The following KIF17 variants were observed in gnomAD, a reference collection of about 807,000 sequenced individuals.
The protein encoded by KIF17 is kinesin family member 17, also known as kinesin-like protein KIF17.
In KIF17, 80 loss-of-function variants were observed where a neutral mutation model predicts 96.8. The observed-to-expected ratio is 0.83, with a 90% CI of 0.69 to 1.00. The LOEUF (loss-of-function observed/expected upper bound fraction) is 1.00. KIF17 is among the 50% of genes least tolerant of loss of function. KIF17 has a pLI of 0.00. For synonymous variants in KIF17, 567 were observed against 587.5 expected, an observed-to-expected ratio of 0.97 and a Z score of 0.51; for missense variants, 1,280 against 1,372.9, an observed-to-expected ratio of 0.93 and a Z score of 1.07.
In KIF17 at chr1:20,709,021, C is replaced by T. The variant is rs1302895802; in HGVS notation, c.670+618G>A. Among the ~76,000 whole-genome samples, 2 of 152,174 alleles carry T rather than the reference C, an allele frequency of 1.3e-5. No individual in the cohort carries two copies. The highest frequency in any genetic ancestry group is 4.8e-5 in the African/African-American group (2 of 41,432). ...CTAGTTGTGTGGCCTCAATTTCTTC[C>T]TCTGTAAAATGGGGATGATTCAGTA... On this transcript the variant is annotated intron_variant, in intron 4 of 14. Transcript: ENST00000400463. The surrounding 1 kb of genome is among the most constrained non-coding windows in gnomAD (Gnocchi z 4.7).
chr1:20,690,083 C>A, intron 7 of KIF17, 105 bp downstream of exon 7: 3 of 1,265,086 alleles, frequency 2.4e-6, no homozygotes, highest in South Asian at 2.5e-5. Context: ...ATAAAACAGA[C>A]CTGATCCTCG....
rs146714930 is a variant in KIF17 at position 20,715,498 on chromosome 1, C to T, written c.373G>A (p.Val125Ile). Residue 125 changes from valine (V) to isoleucine (I), a missense_variant, in exon 2 of 15, where the codon GTC (valine) becomes ATC (isoleucine). Transcript: ENST00000400463. ...TCCCTCTGCGAGGCCCGTACCTGGA[C>T]GCTCTCGAACACGTGCTCGAAGGCC... ...PRAFEHVFES[V>I]QCAENTKFLV... 72 of 1,612,708 alleles carry T rather than the reference C, an allele frequency of 4.5e-5. 2 individuals carry two copies. The African/African-American group carries it at 8.1e-4, about 18-fold the overall frequency.
At chr1:20,675,402 C>A (rs1232925870) in intron 11 of KIF17, among the ~76,000 whole-genome samples, 4 of 150,326 alleles carry the variant, frequency 2.7e-5, no homozygotes, top group Non-Finnish European at 5.9e-5. Context: ...GAGCTGAGAT[C>A]ACGCCATTGC....
Position 20,672,892 on chromosome 1 carries a change from C to T in KIF17, c.2464-696G>A, listed in dbSNP as rs2053672295. ...GCCCCAAGACTACCTGGTGCACAGT[C>T]TGTTTCCTCAAAGAGCAGGTACAGT... On this transcript the variant is annotated intron_variant, in intron 11 of 14. Coordinates refer to ENST00000400463, the MANE Select transcript of KIF17 (RefSeq NM_001122819.3). The surrounding 1 kb of genome is among the most constrained non-coding windows in gnomAD (Gnocchi z 4.3). The T allele has an allele frequency of 6.3e-6, 1 of 159,100 alleles. No individual in the cohort carries two copies. Among genetic ancestry groups the T allele is most frequent in the Non-Finnish European group, 1.4e-5 (1 of 71,552 alleles). 9.9% of individuals were successfully genotyped at this position (159,100 alleles called of 1,614,324 possible).
intron 3 of KIF17, among the ~76,000 whole-genome samples, chr1:20,713,019 G>A (rs189241798): frequency 0.012 from 1,657 of 140,844 alleles, 14 homozygotes; most frequent in Non-Finnish European, 0.018. Context: ...ATTTTGAGAC[G>A]GAGTCTCACT....
rs180892844 is a variant in KIF17 at position 20,689,581 on chromosome 1, G to A, written c.1381+607C>T. 2.1e-3 allele frequency among the ~76,000 whole-genome samples: 318 copies of A among 152,248 alleles called. 1 individual carries two copies. Among genetic ancestry groups the A allele is most frequent in the Admixed American group, 6.3e-3 (96 of 15,292 alleles). Reference sequence around the variant, plus strand: ...CACGAGAATTGCTTAAATCCGGGATGGGGAGGTTGCAGTAAGCCAAGGTCA... The same window carrying A: ...CACGAGAATTGCTTAAATCCGGGATAGGGAGGTTGCAGTAAGCCAAGGTCA... On this transcript the variant is annotated intron_variant, in intron 7 of 14. Coordinates refer to ENST00000400463, the MANE Select transcript of KIF17 (RefSeq NM_001122819.3).
rs757763220 is a variant in KIF17 at position 20,687,579 on chromosome 1, G to A, written c.1747C>T (p.Gln583Ter). The stretch of plus-strand genomic sequence containing the variant: ...CCCAGCAGGTGCCCAGCGGCCTCCT[G>A]CCCGAGGCACTCATCCAGGAAGTAT... ...SRYFLDECLG[Q>*]EAAGHLLGEQ... The change falls in exon 8 of 15, where the codon CAG becomes TAG. Residue 583 changes from glutamine to a stop codon, truncating the protein, a stop_gained. Transcript: ENST00000400463. LOFTEE classifies it high-confidence loss of function. This position sits in a 1 kb window ranked among gnomAD's most constrained non-coding sequence, Gnocchi z 4.4. 1.9e-6 allele frequency: 3 copies of A among 1,613,892 alleles called. No homozygotes were observed. The highest frequency in any genetic ancestry group is 1.7e-5 in the Admixed American group (1 of 60,000).
rs1363587083 is a variant in KIF17, at chr1:20,684,963, C to T, written c.2077G>A (p.Val693Met). 12 of 1,605,412 alleles carry T rather than the reference C, an allele frequency of 7.5e-6. No individual in the cohort carries two copies. Among genetic ancestry groups the T allele is most frequent in the Admixed American group, 1.7e-5 (1 of 58,814 alleles). Residue 693 changes from valine (V) to methionine (M), a missense_variant, in exon 10 of 15, where the codon GTG (valine) becomes ATG (methionine). Transcript: ENST00000400463. ...LEVVRTAEPG[V>M]WLEAQAPVAL... The stretch of plus-strand genomic sequence containing the variant: ...ACCGGGGCCTGAGCCTCCAACCACA[C>T]GCCAGGCTCTGCTGTCCGCACCACC...
intron 11 of KIF17, among the ~76,000 whole-genome samples, chr1:20,674,946 T>A (rs1226943075): frequency 6.6e-6 from 1 of 150,382 alleles, no homozygotes; most frequent in Non-Finnish European, 1.5e-5. Flanking sequence ...GGTCAGGAGT[T>A]CGAGACCAGC....
chr1:20,686,445 G>C (rs1172032793), intron 8 of KIF17: 18 of 480,150 alleles, frequency 3.7e-5, no homozygotes, highest in Non-Finnish European at 4.6e-5. Context: ...CCAAGGAAGT[G>C]GTAGACCTGG....
Position 20,690,348 on chromosome 1 carries a change from G to GCGCC in KIF17, c.1234-14_1234-13insGGCG. 2 of 757,428 alleles carry GCGCC rather than the reference G, an allele frequency of 2.6e-6. No individual in the cohort carries two copies. Among genetic ancestry groups the GCGCC allele is most frequent in the Non-Finnish European group, 4.3e-6 (2 of 468,124 alleles). 46.9% of individuals were successfully genotyped at this position (757,428 alleles called of 1,614,324 possible). A position where few individuals can be genotyped will look rare whatever the true frequency, so the allele number is the denominator to read the frequency against. On this transcript the variant is annotated splice_polypyrimidine_tract_variant and intron_variant, in intron 6 of 14. Transcript: ENST00000400463. ...GCTCTTCATACTCCTGGGGGGGTGG[G>GCGCC]AGGGACCAGAGGGCAGGCAGCATTT...
intron 4 of KIF17, among the ~76,000 whole-genome samples, chr1:20,705,471 G>A (rs144763088): frequency 1.5e-3 from 222 of 152,286 alleles, no homozygotes; most frequent in African/African-American, 5.0e-3. Context: ...GAGACAAAGC[G>A]GCAGATGTTA....
chr1:20,684,880 G>A lies in KIF17; in HGVS notation c.2160C>T (p.Ser720=), dbSNP rs200435612. ...LPATAGVKRE[S]VGMEVAVLTD... Reference sequence around the variant, plus strand: ...TCAGCACTGCCACCTCCATGCCCACGCTCTCCCTCTTCACACCAGCTGTGG... The same window carrying A: ...TCAGCACTGCCACCTCCATGCCCACACTCTCCCTCTTCACACCAGCTGTGG... Residue 720 remains serine, a synonymous_variant, in exon 10 of 15, where the codon AGC becomes AGT. Coordinates refer to ENST00000400463, the MANE Select transcript of KIF17 (RefSeq NM_001122819.3). The A allele has an allele frequency of 3.5e-5, 56 of 1,597,968 alleles. No homozygotes were observed. The highest frequency in any genetic ancestry group is 1.7e-4 in the Middle Eastern group (1 of 5,986).
Position 20,691,458 on chromosome 1 carries a change from C to CT in KIF17, c.1234-1124dup, listed in dbSNP as rs888704467. Among the ~76,000 whole-genome samples the CT allele has an allele frequency of 3.3e-3, 453 of 139,152 alleles. 1 individual carries two copies. Among genetic ancestry groups the CT allele is most frequent in the African/African-American group, 9.3e-3 (357 of 38,222 alleles). 91.3% of individuals were successfully genotyped at this position (139,152 alleles called of 152,430 possible). On this transcript the variant is annotated intron_variant, in intron 6 of 14. Transcript: ENST00000400463. ...CACCACACCCAGCCTCTCAGTGCTT[C>CT]TTTTTTTTTTTTGAGATGGAGTTTC...
At chr1:20,696,474 C>A (rs1031773913) in intron 6 of KIF17, among the ~76,000 whole-genome samples, 5 of 152,172 alleles carry the variant, frequency 3.3e-5, no homozygotes, top group Admixed American at 2.6e-4. Flanking sequence ...ACCACTCTGA[C>A]GCAGTGTCCA....
chr1:20,674,996 C>T (rs2053712399), intron 11 of KIF17, among the ~76,000 whole-genome samples: 1 of 151,758 alleles, frequency 6.6e-6, no homozygotes, highest in Admixed American at 6.6e-5. Flanking sequence ...CTAAAAAATA[C>T]TAAAATTAGC....
Position 20,717,557 on chromosome 1 carries a change from C to CACCTA in KIF17, c.149_150insTAGGT (p.Lys50AsnfsTer114). On this transcript the variant is annotated frameshift_variant, in exon 1 of 15. Coordinates refer to ENST00000400463, the MANE Select transcript of KIF17 (RefSeq NM_001122819.3). LOFTEE classifies it high-confidence loss of function. The stretch of plus-strand genomic sequence containing the variant: ...GGTAGGCGCCGTCGAAGGTGAACTG[C>CACCTA]TTGGGCGGCTCGTCGGCGGCGCCCG... The CACCTA allele has an allele frequency of 6.2e-7, 1 of 1,611,716 alleles. No individual in the cohort carries two copies. Among genetic ancestry groups the CACCTA allele is most frequent in the South Asian group, 1.1e-5 (1 of 90,980 alleles).
chr1:20,709,756 A>G lies in KIF17; in HGVS notation c.553T>C (p.Cys185Arg), dbSNP rs1240669341. Residue 185 changes from cysteine (C) to arginine (R), a missense_variant, in exon 4 of 15, where the codon TGT (cysteine) becomes CGT (arginine). By Grantham distance (180) the Cys-to-Arg change is radical. Transcript: ENST00000400463. The surrounding 1 kb of genome is among the most constrained non-coding windows in gnomAD (Gnocchi z 4.7). ...SMHTVHSVAQ[C>R]EHIMETGWKN... ...CAGCCAGTCTCCATGATGTGCTCAC[A>G]CTGGGCCACGCTGTGCACCGTGTGC... 4 of 1,614,108 alleles carry G rather than the reference A, an allele frequency of 2.5e-6. No individual in the cohort carries two copies. Among genetic ancestry groups the G allele is most frequent in the Non-Finnish European group, 3.4e-6 (4 of 1,180,018 alleles).
In KIF17 at chr1:20,685,922, G is replaced by A. The variant is rs2053929296; in HGVS notation, c.2019+124C>T. The stretch of plus-strand genomic sequence containing the variant: ...CGGGCCACAAGCCCGGGGAAGGCTG[G>A]AGTTGTTGTTCTCAGCTCATGGATG... On this transcript the variant is annotated intron_variant, in intron 9 of 14. Coordinates refer to ENST00000400463, the MANE Select transcript of KIF17 (RefSeq NM_001122819.3). The surrounding 1 kb of genome is among the most constrained non-coding windows in gnomAD (Gnocchi z 4.1). The A allele has an allele frequency of 2.4e-6, 2 of 817,732 alleles. No individual in the cohort carries two copies. Among genetic ancestry groups the A allele is most frequent in the Admixed American group, 2.1e-5 (1 of 48,324 alleles). 50.7% of individuals were successfully genotyped at this position (817,732 alleles called of 1,614,324 possible).
Sources: allele counts gnomAD v4.1 joint callset (sites outside exome capture counted in the v4.1 genomes callset), GRCh38; gene constraint gnomAD v4.1.1; non-coding constraint Gnocchi (gnomAD v3.1); transcripts MANE v1.5; gene names NCBI Gene and HGNC (gene_info 2026-07-23, HGNC 2026-07-21).